Variants in IQCE observed in about 807,000 individuals in gnomAD.
The protein encoded by IQCE is IQ domain-containing protein E.
In IQCE, 115 loss-of-function variants were observed where a neutral mutation model predicts 96.0. That is an observed-to-expected ratio of 1.20 (90% CI 1.03 to 1.40). IQCE has a LOEUF of 1.40. IQCE is among the 40% of genes most tolerant of loss of function. The probability of loss-of-function intolerance (pLI) is 0.00; values close to 1 mark genes in which losing one functional copy is unlikely to be tolerated. For synonymous variants in IQCE, 412 were observed against 371.2 expected (o/e 1.11, Z -1.26); for missense variants, 1,041 against 909.1 (o/e 1.15, Z -1.87).
At chr7:2,591,339 G>A (rs1478513877) in intron 14 of IQCE, among the ~76,000 whole-genome samples, 1 of 151,996 alleles carries the variant, frequency 6.6e-6, no homozygotes, top group Non-Finnish European at 1.5e-5. Flanking sequence ...CGGGGGTTCT[G>A]GAGTTCCATG....
chr7:2,594,318 C>T (rs1371473773), intron 15 of IQCE, among the ~76,000 whole-genome samples: 1 of 152,166 alleles, frequency 6.6e-6, no homozygotes, highest in African/African-American at 2.4e-5. Flanking sequence ...TGAATTCTGT[C>T]AGAAGACTTG....
intron 8 of IQCE, among the ~76,000 whole-genome samples, chr7:2,580,507 G>A (rs2128447435): frequency 6.6e-6 from 1 of 152,274 alleles, no homozygotes; most frequent in Non-Finnish European, 1.5e-5. Context: ...AGCTACTCAG[G>A]AGGCTGAGGC....
chr7:2,578,788 C>T (rs569396869), intron 8 of IQCE, among the ~76,000 whole-genome samples: 2 of 152,308 alleles, frequency 1.3e-5, no homozygotes, highest in South Asian at 2.1e-4. Context: ...TGAGAAAATA[C>T]ATTAAGCTTA....
chr7:2,561,245 A>G (rs1156314233), intron 1 of IQCE, among the ~76,000 whole-genome samples: 1 of 151,980 alleles, frequency 6.6e-6, no homozygotes, highest in Non-Finnish European at 1.5e-5. Flanking sequence ...GGCGTGAGCC[A>G]TTGCTCCCAG....
chr7:2,586,210 C>A lies in IQCE; in HGVS notation c.827C>A (p.Pro276His). The A allele has an allele frequency of 6.2e-7, 1 of 1,613,192 alleles. No homozygotes were observed. Among genetic ancestry groups the A allele is most frequent in the Non-Finnish European group, 8.5e-7 (1 of 1,179,678 alleles). The change falls in exon 12 of 22, where the codon CCC becomes CAC. Residue 276 changes from proline (P) to histidine (H), a missense_variant and splice_region_variant. Physicochemically the swap from Pro to His is moderately conservative, Grantham distance 77. Transcript: ENST00000402050. ...LASSETTGKKPLGEKKTGAKR... is the reference protein window; with the variant it reads ...LASSETTGKKHLGEKKTGAKR... Reference sequence around the variant, plus strand: ...AGTCCACGATTTGGTTGTTCCAGGCCCCTGGGGGAGAAGAAGACGGGCGCC... The same window carrying A: ...AGTCCACGATTTGGTTGTTCCAGGCACCTGGGGGAGAAGAAGACGGGCGCC...
chr7:2,575,715 G>A (rs1181425242), intron 6 of IQCE, among the ~76,000 whole-genome samples: 2 of 152,210 alleles, frequency 1.3e-5, no homozygotes, highest in African/African-American at 4.8e-5. Flanking sequence ...TCTGGCTGGA[G>A]AGAAGAGGCT....
chr7:2,565,907 C>T (rs141277559), intron 1 of IQCE, among the ~76,000 whole-genome samples: 41 of 152,330 alleles, frequency 2.7e-4, no homozygotes, highest in African/African-American at 9.1e-4. Context: ...GCACTTGTGT[C>T]CTGGCCTGTC....
chr7:2,593,081 C>T lies in IQCE; in HGVS notation c.1304C>T (p.Ala435Val), dbSNP rs201827624. The T allele has an allele frequency of 1.9e-5, 30 of 1,612,122 alleles. 1 individual carries two copies. Among genetic ancestry groups the T allele is most frequent in the African/African-American group, 1.2e-4 (9 of 75,026 alleles). ...KADLEKELEC[A>V]REGEEERRER... is the part of the protein sequence containing the mutation. Reference sequence around the variant, plus strand: ...GACCTGGAGAAGGAGCTGGAGTGCGCGAGGGAGGGCGAGGAGGAGAGGAGA... The same window carrying T: ...GACCTGGAGAAGGAGCTGGAGTGCGTGAGGGAGGGCGAGGAGGAGAGGAGA... Residue 435 changes from alanine to valine, a missense_variant, in exon 15 of 22, where the codon GCG becomes GTG. Transcript: ENST00000402050.
chr7:2,575,659 CCTGCCTGTCGGTTT>C (rs761819357), intron 6 of IQCE, among the ~76,000 whole-genome samples: 8 of 152,168 alleles, frequency 5.3e-5, no homozygotes, highest in Non-Finnish European at 8.8e-5. Context: ...TAGAGCGGTT[CCTGCCTGTCGGTTT>C]CTGCCTTGTC....
chr7:2,589,009 T>C (rs911788460), intron 13 of IQCE, among the ~76,000 whole-genome samples: 1 of 152,128 alleles, frequency 6.6e-6, no homozygotes, highest in African/African-American at 2.4e-5. Flanking sequence ...TCTGTGTTGT[T>C]TGGCCAAGCA....
chr7:2,559,364 T>G, intron 1 of IQCE, 147 bp downstream of exon 1: 1 of 364,564 alleles, frequency 2.7e-6, no homozygotes, highest in Non-Finnish European at 4.5e-6. Flanking sequence ...CCATTATTGT[T>G]ACCGCACAAG....
intron 6 of IQCE, among the ~76,000 whole-genome samples, chr7:2,574,832 G>A (rs1410682130): frequency 6.6e-6 from 1 of 152,106 alleles, no homozygotes; most frequent in Non-Finnish European, 1.5e-5. Context: ...TCGAGCTCAC[G>A]GATGCTTTCT....
Position 2,559,300 on chromosome 7 carries a change from G to A in IQCE, c.36+83G>A, listed in dbSNP as rs1008839275. The A allele has an allele frequency of 4.9e-6, 4 of 818,922 alleles. No individual in the cohort carries two copies. In the African/African-American group the frequency reaches 5.5e-5, roughly 11 times the overall value. 50.7% of individuals were successfully genotyped at this position (818,922 alleles called of 1,614,324 possible). On this transcript the variant is annotated intron_variant, in intron 1 of 21. Coordinates refer to ENST00000402050, the MANE Select transcript of IQCE (RefSeq NM_152558.5). ...CCGTCGCCCGCAGCCTCGGGGCCCC[G>A]CGCAGGGGCCGGCCCGGGGCGTGAG... is the stretch of plus-strand genomic sequence containing the variant.
In IQCE at chr7:2,584,240, A is replaced by G. The variant is rs1305966800; in HGVS notation, c.779A>G (p.His260Arg). The change falls in exon 11 of 22, where the codon CAT becomes CGT. Residue 260 changes from histidine (H) to arginine (R), a missense_variant. Transcript: ENST00000402050. ...IAMETYYEEV[H>R]RLQTLLASSE... The stretch of plus-strand genomic sequence containing the variant: ...ATTTCAATTTGGTATTTACAGGTGC[A>G]TCGTCTCCAGACCCTCTTGGCAAGT... The G allele has an allele frequency of 3.1e-6, 5 of 1,613,856 alleles. No homozygotes were observed. The highest frequency in any genetic ancestry group is 1.6e-4 in the Middle Eastern group (1 of 6,062).
intron 6 of IQCE, among the ~76,000 whole-genome samples, chr7:2,576,522 C>T (rs1180114480): frequency 6.6e-6 from 1 of 151,958 alleles, no homozygotes; most frequent in Non-Finnish European, 1.5e-5. Context: ...GCCTCAGCCT[C>T]CCAAGTAGCT....
At chr7:2,567,033 G>A (rs559614336) in intron 1 of IQCE, 83 bp from the exon 2 acceptor site, 58 of 1,116,182 alleles carry the variant, frequency 5.2e-5, no homozygotes, top group African/African-American at 4.0e-4. Flanking sequence ...AGCTGTGGAC[G>A]GGCTGTTTTC....
intron 16 of IQCE, among the ~76,000 whole-genome samples, chr7:2,597,637 A>T (rs565409185): frequency 6.6e-6 from 1 of 152,256 alleles, no homozygotes; most frequent in African/African-American, 2.4e-5. Flanking sequence ...TGGATGATAC[A>T]TTTGGAGTCA....
chr7:2,586,045 G>T (rs1783081078), intron 11 of IQCE, among the ~76,000 whole-genome samples, 163 bp from the exon 12 acceptor site: 1 of 152,102 alleles, frequency 6.6e-6, no homozygotes, highest in Non-Finnish European at 1.5e-5. Context: ...CTTATTTAGA[G>T]TTCAAAGTTA....
chr7:2,563,256 G>C (rs546344345), intron 1 of IQCE, among the ~76,000 whole-genome samples: 1 of 152,258 alleles, frequency 6.6e-6, no homozygotes, highest in East Asian at 1.9e-4. Flanking sequence ...GAGTGCAGTG[G>C]TGCGATCATG....
Sources: allele counts gnomAD v4.1 joint callset (sites outside exome capture counted in the v4.1 genomes callset), GRCh38; gene constraint gnomAD v4.1.1; transcripts MANE v1.5; gene names NCBI Gene and HGNC (gene_info 2026-07-23, HGNC 2026-07-21).